The following CLEC18A variants were observed in gnomAD, a reference collection of about 807,000 sequenced individuals.
The protein encoded by CLEC18A is mannose receptor-like 1.
CLEC18A carries 5 observed loss-of-function variants against 24.0 expected under a neutral mutation model. The observed-to-expected ratio is 0.21, with a 90% CI of 0.11 to 0.44. The LOEUF (loss-of-function observed/expected upper bound fraction) is 0.44. Ranked by LOEUF, CLEC18A falls within the 20% of genes least tolerant of loss-of-function variation. The pLI, the probability that CLEC18A is intolerant of heterozygous loss-of-function variation, is 0.99. For missense variants in CLEC18A, 83 were observed against 233.4 expected, an observed-to-expected ratio of 0.36 and a Z score of 4.20; for synonymous variants, 29 against 100.1, an observed-to-expected ratio of 0.29 and a Z score of 4.24.
At chr16:69,945,125 GAAAA>G in the CLEC18A span, among the ~76,000 whole-genome samples, 3 of 130,494 alleles carry the variant, frequency 2.3e-5, no homozygotes, top group African/African-American at 1.0e-4. Flanking sequence ...ACCCTGTCTG[GAAAA>G]AAAAAAAAAA....
intron 3 of CLEC18A, 147 bp downstream of exon 3, chr16:69,954,720 C>T (rs1407275481): frequency 2.9e-5 from 42 of 1,473,158 alleles, no homozygotes; most frequent in Admixed American, 2.6e-4. Flanking sequence ...TTTTTTGATA[C>T]GGAGTCTTGC....
At position 69,963,041 on chromosome 16, in the gene CLEC18A, C is replaced by T; in HGVS notation, c.1277C>T (p.Thr426Ile). 3 of 1,613,676 alleles carry T rather than the reference C, an allele frequency of 1.9e-6. No homozygotes were observed. Among genetic ancestry groups the T allele is most frequent in the Non-Finnish European group, 2.5e-6 (3 of 1,179,870 alleles). The change falls in exon 11 of 12, where the codon ACC (threonine) becomes ATC (isoleucine). Residue 426 changes from threonine to isoleucine, a missense_variant. Transcript: ENST00000288040. The part of the protein sequence containing the change: ...AFNWNDQRCK[T>I]RNRYICQFAQ... ...AACTGGAACGACCAGCGCTGCAAAA[C>T]CCGAAACCGTTACATCTGCCAGTTT...
At chr16:69,946,392 ATTTTTTTT>A (rs56112480), upstream of CLEC18A, among the ~76,000 whole-genome samples, 19,236 of 81,856 alleles carry the variant, frequency 0.23, 1,031 homozygotes, top group African/African-American at 0.31. Flanking sequence ...ATGTGTATGG[ATTTTTTTT>A]TTTTTTTTTT....
chr16:69,945,371 A>G, the CLEC18A span, among the ~76,000 whole-genome samples: 83 of 152,256 alleles, frequency 5.5e-4, no homozygotes, highest in African/African-American at 1.8e-3. Context: ...CTTTTTCCGT[A>G]TCTTATAGAT....
intron 2 of CLEC18A, chr16:69,953,099 G>T (rs1269150971): frequency 6.6e-6 from 1 of 151,940 alleles, no homozygotes; most frequent in Non-Finnish European, 1.5e-5. Flanking sequence ...GGGCCCTTTT[G>T]TCAAAGTCCT....
At position 69,954,733 on chromosome 16, in the gene CLEC18A, T is replaced by A; in HGVS notation, c.456+160T>A. ...TTTTTTTTGATACGGAGTCTTGCTC[T>A]GTTGCCCAGGCTAGAGTGCAGTGGC... is the stretch of plus-strand genomic sequence containing the variant. On this transcript the variant is annotated intron_variant, in intron 3 of 11. Transcript: ENST00000288040. 2 of 980,394 alleles carry A rather than the reference T, an allele frequency of 2.0e-6. 1 individual carries two copies. Among genetic ancestry groups the A allele is most frequent in the Non-Finnish European group, 2.4e-6 (2 of 825,314 alleles). 60.7% of individuals were successfully genotyped at this position (980,394 alleles called of 1,614,324 possible).
At chr16:69,944,921 G>C in the CLEC18A span, among the ~76,000 whole-genome samples, 1 of 133,492 alleles carries the variant, frequency 7.5e-6, no homozygotes, top group South Asian at 2.6e-4. Context: ...CAGGAGGATC[G>C]CTTGAGCCCA....
intron 2 of CLEC18A, chr16:69,953,553 C>G (rs1225088423): frequency 6.9e-6 from 1 of 145,076 alleles, no homozygotes; most frequent in Non-Finnish European, 1.5e-5. Flanking sequence ...CGGTGGCTCA[C>G]ACCTGTAATC....
intron 3 of CLEC18A, among the ~76,000 whole-genome samples, 186 bp downstream of exon 3, chr16:69,954,759 G>A (rs1323076572): frequency 2.6e-5 from 4 of 151,966 alleles, no homozygotes; most frequent in South Asian, 4.1e-4. Flanking sequence ...GTGCAGTGGC[G>A]TGATCTCGGC....
upstream of CLEC18A, chr16:69,951,026 G>A (rs2058938517): frequency 1.6e-5 from 5 of 317,676 alleles, 1 homozygote; most frequent in Non-Finnish European, 3.2e-5. Context: ...AATGTCCGCG[G>A]GCCAATCAGC....
At chr16:69,953,403 G>A (rs1162992416) in intron 2 of CLEC18A, 1 of 151,254 alleles carries the variant, frequency 6.6e-6, no homozygotes, top group Non-Finnish European at 1.5e-5. Context: ...CAGTGCTTGT[G>A]AGTCCTATCC....
At chr16:69,955,321 T>C (rs757955333) in intron 3 of CLEC18A, among the ~76,000 whole-genome samples, 9 of 150,630 alleles carry the variant, frequency 6.0e-5, no homozygotes, top group Non-Finnish European at 5.9e-5. Flanking sequence ...TTTTTTTCAA[T>C]CTGAAATATA....
downstream of CLEC18A, among the ~76,000 whole-genome samples, chr16:69,965,450 G>A (rs1959353513): frequency 6.6e-6 from 1 of 152,018 alleles, no homozygotes; most frequent in African/African-American, 2.4e-5. Context: ...CCCTGCGCAT[G>A]CCCGCGGGAG....
chr16:69,957,554 A>G (rs2059053750), intron 3 of CLEC18A, among the ~76,000 whole-genome samples: 1 of 114,590 alleles, frequency 8.7e-6, no homozygotes, highest in African/African-American at 3.9e-5. Context: ...TTTAAATTTC[A>G]TTGCATTGAA....
At chr16:69,949,695 C>G (rs2058926570), upstream of CLEC18A, among the ~76,000 whole-genome samples, 2 of 146,240 alleles carry the variant, frequency 1.4e-5, no homozygotes, top group African/African-American at 5.1e-5. Context: ...GTGGCTTGGC[C>G]AGGTGTGGTG....
At chr16:69,964,272 C>T, downstream of CLEC18A, 1 of 147,304 alleles carries the variant, frequency 6.8e-6, no homozygotes, top group Middle Eastern at 3.5e-3. Flanking sequence ...GTTGCCCCCA[C>T]CGGCGGAGTG....
downstream of CLEC18A, among the ~76,000 whole-genome samples, chr16:69,964,861 G>T (rs1198106412): frequency 6.6e-6 from 1 of 152,110 alleles, no homozygotes; most frequent in African/African-American, 2.4e-5. Flanking sequence ...GAGTGCAGGG[G>T]TGCAATCGGG....
intron 3 of CLEC18A, among the ~76,000 whole-genome samples, chr16:69,957,313 C>A (rs1386430354): frequency 1.4e-5 from 2 of 142,382 alleles, no homozygotes; most frequent in African/African-American, 5.4e-5. Context: ...AGGTGTGTGC[C>A]ACCATGCCTG....
intron 2 of CLEC18A, among the ~76,000 whole-genome samples, chr16:69,953,983 C>T (rs2058996813): frequency 6.8e-6 from 1 of 146,702 alleles, no homozygotes; most frequent in South Asian, 2.2e-4. Context: ...TGGAGCCTTT[C>T]TGACAATGGC....
Sources: allele counts gnomAD v4.1 joint callset (sites outside exome capture counted in the v4.1 genomes callset), GRCh38; gene constraint gnomAD v4.1.1; transcripts MANE v1.5; gene names NCBI Gene and HGNC (gene_info 2026-07-23, HGNC 2026-07-21).